Variants in ZAN observed in about 807,000 individuals in gnomAD.
The protein encoded by ZAN is zonadhesin (gene/pseudogene).
Under a neutral mutation model 286.2 loss-of-function variants are expected in ZAN, and 260 were observed. The observed-to-expected ratio is 0.91, with a 90% confidence interval of 0.82 to 1.01. The LOEUF (loss-of-function observed/expected upper bound fraction) is 1.01. Ranked by LOEUF, ZAN falls within the 50% of genes least tolerant of loss-of-function variation. The probability of loss-of-function intolerance (pLI) is 0.00; values close to 1 mark genes in which losing one functional copy is unlikely to be tolerated. For missense variants in ZAN, 3,410 were observed against 3,639.2 expected (o/e 0.94, Z 1.62); for synonymous variants, 1,368 against 1,417.5 (o/e 0.97, Z 0.79).
rs1322389091 is a variant in ZAN, at chr7:100,773,783, C to T, written c.5697C>T (p.Asn1899=). The change falls in exon 31 of 48, where the codon AAC becomes AAT. Residue 1899 remains asparagine (N), a synonymous_variant. Transcript: ENST00000613979. ...GGCTCTGCACCTGCTCCGTCCACAA[C>T]AACATCACCTGCTTCCAGAGCACCT... ...CTRLCTCSVH[N]NITCFQSTCK... 8 of 1,612,628 alleles carry T rather than the reference C, an allele frequency of 5.0e-6. No individual in the cohort carries two copies. The highest frequency in any genetic ancestry group is 3.3e-5 in the South Asian group (3 of 90,730).
rs977268730 is a variant in ZAN at position 100,739,427 on chromosome 7, C to T, written c.766+814C>T. Reference sequence around the variant, plus strand: ...GACAAGGAAGAGTAGGGTGTGGTAGCGGGGGGGCAGTTACCGACACAAAGT... The same window carrying T: ...GACAAGGAAGAGTAGGGTGTGGTAGTGGGGGGGCAGTTACCGACACAAAGT... On this transcript the variant is annotated intron_variant, in intron 7 of 47. Transcript: ENST00000613979. 1.5e-5 allele frequency among the ~76,000 whole-genome samples: 2 copies of T among 137,718 alleles called. 1 individual carries two copies. The highest frequency in any genetic ancestry group is 3.2e-5 in the Non-Finnish European group (2 of 61,542). 90.3% of individuals were successfully genotyped at this position (137,718 alleles called of 152,430 possible).
Position 100,775,764 on chromosome 7 carries a change from C to T in ZAN, c.6123C>T (p.Ile2041=), listed in dbSNP as rs779270524. 5.6e-6 allele frequency: 9 copies of T among 1,613,780 alleles called. No homozygotes were observed. The highest frequency in any genetic ancestry group is 2.2e-5 in the South Asian group (2 of 91,084). ...TCTACAGCATTGTTAACATCAAGATCGGGGTGCAAGTCAAGTTTGACGGGA... is the reference window on the plus strand; with the variant it reads ...TCTACAGCATTGTTAACATCAAGATTGGGGTGCAAGTCAAGTTTGACGGGA... The part of the protein sequence containing the change: ...SSIYSIVNIK[I]GVQVKFDGNH... The change falls in exon 33 of 48, where the codon ATC becomes ATT. Residue 2041 remains isoleucine, a synonymous_variant. Transcript: ENST00000613979.
At chr7:100,771,245 T>G (rs1482186226) in intron 28 of ZAN, among the ~76,000 whole-genome samples, 2 of 152,038 alleles carry the variant, frequency 1.3e-5, no homozygotes, top group Non-Finnish European at 2.9e-5. Context: ...AATCTGGGTT[T>G]TGTTTGTTTG....
chr7:100,753,859 A>G (rs1336738235), intron 14 of ZAN, among the ~76,000 whole-genome samples: 1 of 151,464 alleles, frequency 6.6e-6, no homozygotes, highest in African/African-American at 2.4e-5. Flanking sequence ...AAAAAAAGCA[A>G]AAGCAATTCT....
At chr7:100,794,374 T>A in intron 44 of ZAN, 116 bp downstream of exon 44, 1 of 1,473,680 alleles carries the variant, frequency 6.8e-7, no homozygotes, top group Non-Finnish European at 9.0e-7. Flanking sequence ...AGGATGTCTG[T>A]CCCTGCCTTT....
chr7:100,791,837 C>G, intron 40 of ZAN, 129 bp from the exon 41 acceptor site: 1 of 1,146,980 alleles, frequency 8.7e-7, no homozygotes, highest in Non-Finnish European at 1.2e-6. Flanking sequence ...AAGTCATCCT[C>G]CTGCCTCAGC....
At chr7:100,791,204 A>G in intron 40 of ZAN, 91 bp downstream of exon 40, 9 of 1,475,222 alleles carry the variant, frequency 6.1e-6, no homozygotes, top group Middle Eastern at 2.3e-4. Context: ...GGAGAGGATG[A>G]AACTCCAGGG....
chr7:100,791,013 A>G lies in ZAN; in HGVS notation c.7429A>G (p.Asn2477Asp). 6.2e-7 allele frequency: 1 copy of G among 1,612,818 alleles called. No individual in the cohort carries two copies. The highest frequency in any genetic ancestry group is 8.5e-7 in the Non-Finnish European group (1 of 1,179,506). The change falls in exon 40 of 48, where the codon AAT becomes GAT. Residue 2477 changes from asparagine (N) to aspartate (D), a missense_variant. Physicochemically the swap from Asn to Asp is conservative, Grantham distance 23. Around this residue, in one of 7 missense-constraint regions of ZAN, gnomAD observed 1,289 missense variants for 1,314.3 expected, o/e 0.98. Coordinates refer to ENST00000613979, the MANE Select transcript of ZAN (RefSeq NM_003386.3). ...LCGNYDKNRK[N>D]DMMLPSGALT... ...CGGAAACTACGACAAGAACCGCAAG[A>G]ATGACATGATGCTGCCCAGTGGCGC... is the stretch of plus-strand genomic sequence containing the variant.
chr7:100,748,050 TG>T, intron 9 of ZAN, 86 bp from the exon 10 acceptor site: 1 of 1,108,184 alleles, frequency 9.0e-7, no homozygotes, highest in Non-Finnish European at 1.4e-6. Context: ...GTAGGGATTC[TG>T]GGTCCTGGAA....
intron 20 of ZAN, among the ~76,000 whole-genome samples, chr7:100,762,572 C>G (rs1291122233): frequency 2.0e-5 from 3 of 151,698 alleles, no homozygotes; most frequent in African/African-American, 4.8e-5. Flanking sequence ...ATTACAGGCA[C>G]CTGCCACCAC....
intron 35 of ZAN, 56 bp from the exon 36 acceptor site, chr7:100,784,567 C>T (rs893815421): frequency 1.3e-6 from 2 of 1,581,368 alleles, no homozygotes; most frequent in Admixed American, 1.7e-5. Context: ...ACAGCCCCTG[C>T]CCACCTTGGC....
chr7:100,796,075 CA>C (rs1257506838), intron 45 of ZAN, among the ~76,000 whole-genome samples: 1 of 151,034 alleles, frequency 6.6e-6, no homozygotes, highest in East Asian at 1.9e-4. Flanking sequence ...GACTCCATCT[CA>C]AAAAAAACAA....
At chr7:100,770,013 G>A (rs1192049118) in intron 28 of ZAN, 39 bp downstream of exon 28, 1 of 1,531,326 alleles carries the variant, frequency 6.5e-7, no homozygotes, top group Non-Finnish European at 8.8e-7. Context: ...CCTCCCTGAA[G>A]GACAGGAGGC....
Position 100,767,107 on chromosome 7 carries a change from G to A in ZAN, c.4710G>A (p.Arg1570=). The part of the protein sequence containing the change: ...FMGTCTYVLT[R]PCWSRSQDSY... ...GCACCTGCACCTATGTCCTGACCCGGCCTTGCTGGTCCAGGTCCCAAGACA... is the reference window on the plus strand; with the variant it reads ...GCACCTGCACCTATGTCCTGACCCGACCTTGCTGGTCCAGGTCCCAAGACA... Residue 1570 remains arginine (R), a synonymous_variant, in exon 25 of 48, where the codon CGG becomes CGA. Transcript: ENST00000613979. 6.2e-7 allele frequency: 1 copy of A among 1,613,878 alleles called. No homozygotes were observed. Among genetic ancestry groups the A allele is most frequent in the Non-Finnish European group, 8.5e-7 (1 of 1,179,862 alleles).
At position 100,767,173 on chromosome 7, in the gene ZAN, G is replaced by T. The variant is rs776709692; in HGVS notation, c.4776G>T (p.Gly1592=). ...GCGCCACCAACGAGAACCGCGGGGG[G>T]ATCCTGGAGGTCTCCTACATCAAAG... is the stretch of plus-strand genomic sequence containing the variant. ...VVSATNENRG[G]ILEVSYIKAV... The change falls in exon 25 of 48, where the codon GGG becomes GGT. Residue 1592 remains glycine, a synonymous_variant. Transcript: ENST00000613979. 2 of 1,613,780 alleles carry T rather than the reference G, an allele frequency of 1.2e-6. No individual in the cohort carries two copies. The highest frequency in any genetic ancestry group is 1.7e-6 in the Non-Finnish European group (2 of 1,179,864).
chr7:100,754,492 A>C (rs1275980150), intron 14 of ZAN, among the ~76,000 whole-genome samples: 2 of 151,566 alleles, frequency 1.3e-5, no homozygotes, highest in Non-Finnish European at 2.9e-5. Context: ...TAAATAAATA[A>C]ATGGAGTATT....
chr7:100,797,360 C>T lies in ZAN; in HGVS notation c.8267-6C>T. On this transcript the variant is annotated splice_polypyrimidine_tract_variant and splice_region_variant and intron_variant, in intron 45 of 47. Coordinates refer to ENST00000613979, the MANE Select transcript of ZAN (RefSeq NM_003386.3). ...CGACCTAATGTCTCTTCCCCGCACC[C>T]AGAAGCATCTAACCTGGTGGGCGTC... The T allele has an allele frequency of 6.2e-7, 1 of 1,613,616 alleles. No individual in the cohort carries two copies.
Position 100,764,059 on chromosome 7 carries a change from T to C in ZAN, c.4130T>C (p.Phe1377Ser). 6.2e-7 allele frequency: 1 copy of C among 1,613,868 alleles called. No individual in the cohort carries two copies. Among genetic ancestry groups the C allele is most frequent in the African/African-American group, 1.3e-5 (1 of 75,058 alleles). ...TCLLHVKAASFFDSCMLDMCG... is the reference protein window; with the variant it reads ...TCLLHVKAASSFDSCMLDMCG... ...CTGCTGCACGTGAAGGCCGCTTCCT[T>C]CTTCGACAGCTGCATGCTTGATATG... Residue 1377 changes from phenylalanine (F) to serine (S), a missense_variant, in exon 22 of 48, where the codon TTC becomes TCC. This residue lies in a region of ZAN where 1,042 missense variants were observed against 1,058.0 expected (regional missense o/e 0.98). Coordinates refer to ENST00000613979, the MANE Select transcript of ZAN (RefSeq NM_003386.3).
chr7:100,772,768 C>T (rs1810462154), intron 29 of ZAN, among the ~76,000 whole-genome samples: 1 of 151,304 alleles, frequency 6.6e-6, no homozygotes, highest in Non-Finnish European at 1.5e-5. Flanking sequence ...TTGCAGTGAC[C>T]CAAGATCATG....
Sources: gnomAD v4.1 joint callset for allele counts (sites outside exome capture counted in the v4.1 genomes callset) on GRCh38, gnomAD v4.1.1 for gene constraint, gnomAD v4.1.1 regional missense constraint, MANE v1.5 for transcripts, NCBI Gene and HGNC (gene_info 2026-07-23, HGNC 2026-07-21) for gene names.